MGST1: variants seen among roughly 807,000 people sequenced by gnomAD.
MGST1 encodes the protein glutathione S-transferase 12.
MGST1 carries 5 observed loss-of-function variants against 8.9 expected under a neutral mutation model. That is an observed-to-expected ratio of 0.56 (90% CI 0.29 to 1.19). The LOEUF (loss-of-function observed/expected upper bound fraction) is 1.19, where lower values mean the gene tolerates loss of function less well. Ranked by LOEUF, MGST1 falls within the 50% of genes most tolerant of loss-of-function variation. The pLI, the probability that MGST1 is intolerant of heterozygous loss-of-function variation, is 0.08. For missense variants in MGST1, 182 were observed against 187.4 expected (o/e 0.97, Z 0.17); for synonymous variants, 54 against 67.8 (o/e 0.80, Z 1.00).
At chr12:16,549,583 T>C (rs1941911482) in intron 4 of MGST1, 1 of 152,514 alleles carries the variant, frequency 6.6e-6, no homozygotes, top group Admixed American at 6.6e-5. Context: ...AAGGACAAAA[T>C]ATATATGCAA....
At chr12:16,437,239 T>A (rs1056155688) in intron 1 of MGST1, 3 of 151,956 alleles carry the variant, frequency 2.0e-5, no homozygotes, top group Admixed American at 6.6e-5. Context: ...CAAAAGGGTA[T>A]GCTCTGGAGA....
intron 1 of MGST1, among the ~76,000 whole-genome samples, chr12:16,388,617 CTTGGTTGTCA>C (rs1940524922): frequency 6.6e-6 from 1 of 152,174 alleles, no homozygotes; most frequent in South Asian, 2.1e-4. Flanking sequence ...TAACTATATG[CTTGGTTGTCA>C]CAGCAATATC....
intron 1 of MGST1, among the ~76,000 whole-genome samples, chr12:16,415,736 G>C (rs1037358078): frequency 6.6e-6 from 1 of 152,080 alleles, no homozygotes; most frequent in African/African-American, 2.4e-5. Context: ...TTAAGTTTTT[G>C]GGGACTCAAA....
intron 2 of MGST1, chr12:16,354,771 TA>T (rs796395716): frequency 9.8e-4 from 145 of 148,554 alleles, no homozygotes; most frequent in East Asian, 8.8e-3. Flanking sequence ...TGATTTTGGT[TA>T]AAAAAAAATA....
chr12:16,520,292 A>G (rs956584763), intron 4 of MGST1, among the ~76,000 whole-genome samples: 3 of 152,184 alleles, frequency 2.0e-5, no homozygotes, highest in Non-Finnish European at 4.4e-5. Flanking sequence ...ATACTGGTTT[A>G]TTTATGTTCA....
downstream of MGST1, among the ~76,000 whole-genome samples, chr12:16,590,224 T>C (rs1943447532): frequency 6.6e-6 from 1 of 152,238 alleles, no homozygotes; most frequent in Middle Eastern, 3.4e-3. Context: ...TTAGCTCTTC[T>C]TGAAGCAAAA....
At chr12:16,453,415 A>T (rs1384907907) in intron 4 of MGST1, among the ~76,000 whole-genome samples, 2 of 152,014 alleles carry the variant, frequency 1.3e-5, no homozygotes, top group Non-Finnish European at 2.9e-5. Flanking sequence ...ACAACAAGTC[A>T]ATCAAATGAA....
At chr12:16,592,445 T>G (rs564899168), downstream of MGST1, among the ~76,000 whole-genome samples, 49 of 152,196 alleles carry the variant, frequency 3.2e-4, no homozygotes, top group Admixed American at 1.3e-3. Flanking sequence ...GATATTCACA[T>G]GCAATATTTA....
At chr12:16,527,905 CA>C (rs1337454547) in intron 4 of MGST1, among the ~76,000 whole-genome samples, 1 of 151,906 alleles carries the variant, frequency 6.6e-6, no homozygotes, top group African/African-American at 2.4e-5. Context: ...ACAAGGTAGT[CA>C]GAGAAGGTGC....
At chr12:16,479,125 T>G (rs943739376) in intron 4 of MGST1, among the ~76,000 whole-genome samples, 1 of 152,110 alleles carries the variant, frequency 6.6e-6, no homozygotes, top group Admixed American at 6.6e-5. Context: ...TATAGGAGTA[T>G]GTATCTACTA....
intron 4 of MGST1, among the ~76,000 whole-genome samples, chr12:16,478,606 C>T (rs889410549): frequency 2.0e-5 from 3 of 151,722 alleles, no homozygotes; most frequent in Non-Finnish European, 4.4e-5. Flanking sequence ...CACAAAATTA[C>T]TAGAAGAAAA....
At chr12:16,552,548 A>ATT (rs1485762810) in intron 4 of MGST1, among the ~76,000 whole-genome samples, 2 of 152,108 alleles carry the variant, frequency 1.3e-5, no homozygotes, top group Non-Finnish European at 2.9e-5. Flanking sequence ...AGCTTTGGAA[A>ATT]TTTATCCTTA....
At chr12:16,382,399 T>A (rs1472940129), upstream of MGST1, among the ~76,000 whole-genome samples, 1 of 152,108 alleles carries the variant, frequency 6.6e-6, no homozygotes, top group Non-Finnish European at 1.5e-5. Flanking sequence ...TTGCTGGAGG[T>A]CCACTCCAGA....
intron 4 of MGST1, among the ~76,000 whole-genome samples, chr12:16,498,910 G>C (rs1941487184): frequency 6.6e-6 from 1 of 152,164 alleles, no homozygotes; most frequent in African/African-American, 2.4e-5. Flanking sequence ...ACTTAAAAAG[G>C]AGACTCCGGT....
At chr12:16,483,439 G>A (rs1023769172) in intron 4 of MGST1, among the ~76,000 whole-genome samples, 4 of 151,842 alleles carry the variant, frequency 2.6e-5, no homozygotes, top group East Asian at 3.9e-4. Context: ...TCAAACCCTC[G>A]TTTAATCCAA....
intron 4 of MGST1, among the ~76,000 whole-genome samples, chr12:16,511,264 C>A (rs769785681): frequency 6.6e-6 from 1 of 152,206 alleles, no homozygotes; most frequent in Non-Finnish European, 1.5e-5. Flanking sequence ...TATATATATT[C>A]CATGGCCTTG....
intron 3 of MGST1, among the ~76,000 whole-genome samples, chr12:16,359,749 A>G (rs371935324): frequency 6.6e-6 from 1 of 152,160 alleles, no homozygotes; most frequent in East Asian, 1.9e-4. Flanking sequence ...ATGGCCCTGT[A>G]TTTATAAAAT....
chr12:16,514,072 A>C (rs191276301), intron 4 of MGST1: 41 of 379,668 alleles, frequency 1.1e-4, no homozygotes, highest in African/African-American at 8.3e-4. Context: ...GGAAATAGCA[A>C]CAGTGGTGAA....
intron 4 of MGST1, among the ~76,000 whole-genome samples, chr12:16,470,264 T>C (rs1435416778): frequency 6.6e-6 from 1 of 152,260 alleles, no homozygotes; most frequent in African/African-American, 2.4e-5. Context: ...GAATATCTGC[T>C]GAATACTTTA....
Sources: gnomAD v4.1 joint callset for allele counts (sites outside exome capture counted in the v4.1 genomes callset) on GRCh38, gnomAD v4.1.1 for gene constraint, MANE v1.5 for transcripts, NCBI Gene and HGNC (gene_info 2026-07-23, HGNC 2026-07-21) for gene names.